Variants in CDH4 observed in about 807,000 individuals in gnomAD.
The protein encoded by CDH4 is cadherin-4.
CDH4 carries 33 observed loss-of-function variants against 86.0 expected under a neutral mutation model. That is an observed-to-expected ratio of 0.38 (90% CI 0.29 to 0.51). The LOEUF (loss-of-function observed/expected upper bound fraction) is 0.51. CDH4 is among the 20% of genes least tolerant of loss of function. The pLI is 0.86. For synonymous variants in CDH4, 555 were observed against 549.4 expected, an observed-to-expected ratio of 1.01 and a Z score of -0.14; for missense variants, 1,114 against 1,307.4, an observed-to-expected ratio of 0.85 and a Z score of 2.28.
intron 2 of CDH4, among the ~76,000 whole-genome samples, chr20:61,431,699 T>C (rs1037196973): frequency 1.3e-5 from 2 of 152,154 alleles, no homozygotes; most frequent in East Asian, 3.9e-4. Context: ...GTGTACACTT[T>C]CATGAATTTT....
chr20:61,499,342 C>G (rs1019633237), intron 2 of CDH4: 1 of 775,708 alleles, frequency 1.3e-6, no homozygotes, highest in African/African-American at 1.8e-5. Flanking sequence ...CTCAGTTTCG[C>G]CACCTAGAAG....
intron 2 of CDH4, among the ~76,000 whole-genome samples, chr20:61,402,357 C>T (rs990410280): frequency 6.6e-6 from 1 of 152,108 alleles, no homozygotes; most frequent in African/African-American, 2.4e-5. Flanking sequence ...GAAATATTGA[C>T]AAGAAAAGTC....
In CDH4 at chr20:61,709,308, T is replaced by C. The variant is rs1001759413; in HGVS notation, c.170-34255T>C. Reference sequence around the variant, plus strand: ...TATTTATTTTCTGAGAGCGTCTTGCTCTGTTGCCCAGGCTGTAGTGCAGTG... The same window carrying C: ...TATTTATTTTCTGAGAGCGTCTTGCCCTGTTGCCCAGGCTGTAGTGCAGTG... On this transcript the variant is annotated intron_variant, in intron 2 of 15. Coordinates refer to ENST00000614565, the MANE Select transcript of CDH4 (RefSeq NM_001794.5). This position sits in a 1 kb window ranked among gnomAD's most constrained non-coding sequence, Gnocchi z 4.8. Among the ~76,000 whole-genome samples the C allele has an allele frequency of 6.6e-6, 1 of 152,208 alleles. No homozygotes were observed. Among genetic ancestry groups the C allele is most frequent in the African/African-American group, 2.4e-5 (1 of 41,448 alleles).
chr20:61,692,405 T>A (rs893518274), intron 2 of CDH4, among the ~76,000 whole-genome samples: 5 of 152,224 alleles, frequency 3.3e-5, no homozygotes, highest in African/African-American at 1.2e-4. Flanking sequence ...GGCATCAAGG[T>A]ATTTTATTTT....
intron 3 of CDH4, among the ~76,000 whole-genome samples, chr20:61,753,418 T>C (rs1309425737): frequency 6.6e-6 from 1 of 152,216 alleles, no homozygotes; most frequent in African/African-American, 2.4e-5. Context: ...TTAGCAACTA[T>C]TTAAAAGCAG....
At chr20:61,825,772 C>T (rs1046604026) in intron 4 of CDH4, among the ~76,000 whole-genome samples, 4 of 152,208 alleles carry the variant, frequency 2.6e-5, no homozygotes, top group Admixed American at 1.3e-4. Flanking sequence ...GATTCTCAAA[C>T]TTTTCATGTC....
At position 61,910,311 on chromosome 20, in the gene CDH4, G is replaced by A. The variant is rs561715311; in HGVS notation, c.1189-111G>A. On this transcript the variant is annotated intron_variant, in intron 8 of 15. Transcript: ENST00000614565. ...GTGAACACTCGAGCTGGGCTGACAC[G>A]GTGTGTTCTGTTTGTGAACACTCGT... The A allele has an allele frequency of 5.6e-5, 51 of 903,932 alleles. 2 individuals are homozygous for A. The South Asian group carries it at 6.5e-4, about 12-fold the overall frequency. The allele number at this position is 903,932 out of a possible 1,614,324, so 56.0% of individuals were successfully genotyped here.
intron 2 of CDH4, among the ~76,000 whole-genome samples, chr20:61,334,526 C>T (rs1305524351): frequency 6.6e-6 from 1 of 152,178 alleles, no homozygotes; most frequent in Non-Finnish European, 1.5e-5. Context: ...ATCAAGGCAC[C>T]AGCAGTTCGG....
chr20:61,565,317 C>T lies in CDH4; in HGVS notation c.170-178246C>T, dbSNP rs1028054082. Among the ~76,000 whole-genome samples the T allele has an allele frequency of 6.4e-3, 127 of 19,976 alleles. 18 individuals are homozygous for T. The highest frequency in any genetic ancestry group is 7.3e-3 in the Non-Finnish European group (81 of 11,104). 13.1% of individuals were successfully genotyped at this position (19,976 alleles called of 152,430 possible). A position where few individuals can be genotyped will look rare whatever the true frequency, so the allele number is the denominator to read the frequency against. ...GTGGTGGCGGTGCTCTTGGTGGTGG[C>T]GGTGCTCTTGGTGATGGTGGTAGTG... On this transcript the variant is annotated intron_variant, in intron 2 of 15. Transcript: ENST00000614565.
At chr20:61,664,719 G>A (rs1398329694) in intron 2 of CDH4, among the ~76,000 whole-genome samples, 2 of 152,232 alleles carry the variant, frequency 1.3e-5, no homozygotes, top group African/African-American at 4.8e-5. Flanking sequence ...ATCTGTGGAC[G>A]TTGGCTCAGA....
intron 7 of CDH4, among the ~76,000 whole-genome samples, chr20:61,894,628 C>T (rs895424038): frequency 2.0e-5 from 3 of 152,168 alleles, no homozygotes; most frequent in African/African-American, 4.8e-5. Flanking sequence ...TGGCACCAAA[C>T]GTGATCTGCC....
At chr20:61,391,877 C>T (rs1472132304) in intron 2 of CDH4, among the ~76,000 whole-genome samples, 1 of 151,900 alleles carries the variant, frequency 6.6e-6, no homozygotes. Flanking sequence ...GGAGGGACAG[C>T]AGCTCCGGGG....
rs117444570 is a variant in CDH4 at position 61,725,529 on chromosome 20, T to G, written c.170-18034T>G. The stretch of plus-strand genomic sequence containing the variant: ...TTTCTCTCAGATGTTTCTGAGAGCT[T>G]TGAGAGGAAAAGGAAATTGTGACTC... On this transcript the variant is annotated intron_variant, in intron 2 of 15. Coordinates refer to ENST00000614565, the MANE Select transcript of CDH4 (RefSeq NM_001794.5). 3.3e-5 allele frequency among the ~76,000 whole-genome samples: 5 copies of G among 152,218 alleles called. No homozygotes were observed. The East Asian group carries it at 9.7e-4, about 29-fold the overall frequency.
intron 5 of CDH4, among the ~76,000 whole-genome samples, chr20:61,847,698 G>A (rs972440968): frequency 2.4e-4 from 36 of 152,286 alleles, no homozygotes; most frequent in African/African-American, 5.3e-4. Context: ...GAAGTATAGC[G>A]CCGGCATCTC....
At chr20:61,450,663 T>C (rs1215046941) in intron 2 of CDH4, among the ~76,000 whole-genome samples, 4 of 151,794 alleles carry the variant, frequency 2.6e-5, no homozygotes, top group African/African-American at 9.7e-5. Flanking sequence ...ACCGAGAAGG[T>C]GTCTGAGCTT....
chr20:61,555,137 G>A (rs543939600), intron 2 of CDH4, among the ~76,000 whole-genome samples: 5 of 152,328 alleles, frequency 3.3e-5, no homozygotes, highest in South Asian at 2.1e-4. Flanking sequence ...GAACATAGGC[G>A]TGTATACAGG....
chr20:61,872,463 C>A (rs561023812), intron 6 of CDH4, among the ~76,000 whole-genome samples: 1 of 152,064 alleles, frequency 6.6e-6, no homozygotes, highest in Admixed American at 6.5e-5. Context: ...CTCATGCACA[C>A]GGGAACGAGC....
chr20:61,882,908 C>G (rs189858335), intron 7 of CDH4, among the ~76,000 whole-genome samples: 519 of 152,082 alleles, frequency 3.4e-3, no homozygotes, highest in African/African-American at 0.012. Flanking sequence ...CTGTCTCCCC[C>G]ACACCCGACG....
intron 2 of CDH4, among the ~76,000 whole-genome samples, chr20:61,694,761 T>G (rs900184614): frequency 3.9e-5 from 6 of 152,192 alleles, no homozygotes; most frequent in Admixed American, 6.5e-5. Context: ...CACTCCTGTC[T>G]CCTGGCACCG....
Sources: gnomAD v4.1 joint callset for allele counts (sites outside exome capture counted in the v4.1 genomes callset) on GRCh38, gnomAD v4.1.1 for gene constraint, Gnocchi (gnomAD v3.1) non-coding constraint, MANE v1.5 for transcripts, NCBI Gene and HGNC (gene_info 2026-07-23, HGNC 2026-07-21) for gene names.